AMY2B: variants seen among roughly 807,000 people sequenced by gnomAD.
The protein encoded by AMY2B is amylase alpha 2B.
AMY2B carries 63 observed loss-of-function variants against 59.3 expected under a neutral mutation model. The observed-to-expected ratio is 1.06, with a 90% CI of 0.87 to 1.31. The LOEUF is 1.31. Among genes scored for constraint, AMY2B ranks in the 50% most tolerant of loss-of-function variants. The probability of loss-of-function intolerance (pLI) is 0.00; values close to 1 mark genes in which losing one functional copy is unlikely to be tolerated. For synonymous variants in AMY2B, 180 were observed against 198.1 expected (o/e 0.91, Z 0.77); for missense variants, 635 against 626.7 (o/e 1.01, Z -0.14).
Position 103,561,375 on chromosome 1 carries a change from C to A in AMY2B, c.-206-4060C>A, listed in dbSNP as rs1258173359. Among the ~76,000 whole-genome samples, 4 of 152,118 alleles carry A rather than the reference C, an allele frequency of 2.6e-5. No homozygotes were observed. In the East Asian group the frequency reaches 5.8e-4, roughly 22 times the overall value. On this transcript the variant is annotated intron_variant, in intron 1 of 11. Transcript: ENST00000361355. ...CTCCACCTCCTGGGTTCAAGCAATTCTCCTGCCTCTGCCTCCTAAGTAGCT... is the reference window on the plus strand; with the variant it reads ...CTCCACCTCCTGGGTTCAAGCAATTATCCTGCCTCTGCCTCCTAAGTAGCT...
At chr1:103,570,277 C>T (rs915923144), upstream of AMY2B, 2 of 565,752 alleles carry the variant, frequency 3.5e-6, no homozygotes, top group East Asian at 4.6e-5. Context: ...ATATGAGCTG[C>T]CTGATGGCCA....
chr1:103,569,269 G>C (rs966299079), upstream of AMY2B: 5 of 151,918 alleles, frequency 3.3e-5, no homozygotes, highest in African/African-American at 4.9e-5. Context: ...CACACACACA[G>C]AGTCTATATA....
At chr1:103,570,383 C>T (rs1652077735), upstream of AMY2B, 3 of 857,370 alleles carry the variant, frequency 3.5e-6, no homozygotes, top group Admixed American at 5.4e-5. Flanking sequence ...CCCAGACCAT[C>T]TTCAACTCCA....
At chr1:103,570,251 C>T (rs536610055), upstream of AMY2B, 6 of 540,876 alleles carry the variant, frequency 1.1e-5, no homozygotes, top group East Asian at 9.5e-5. Context: ...ACATCCTCCT[C>T]CTCCCTGGAG....
intron 9 of AMY2B, 21 bp from the exon 10 acceptor site, chr1:103,579,290 A>T (rs1194323356): frequency 6.2e-7 from 1 of 1,611,604 alleles, no homozygotes; most frequent in East Asian, 2.2e-5. Context: ...TTGAAGTTAA[A>T]TCTGAAATTT....
chr1:103,571,917 T>C, intron 1 of AMY2B, 147 bp downstream of exon 1: 30 of 1,567,700 alleles, frequency 1.9e-5, no homozygotes, highest in Non-Finnish European at 2.6e-5. Context: ...CAATGTAGTA[T>C]TCTTGGCAAC....
intron 5 of AMY2B, 130 bp from the exon 6 acceptor site, chr1:103,575,093 A>C (rs557036947): frequency 1.6e-6 from 2 of 1,253,992 alleles, no homozygotes; most frequent in African/African-American, 3.0e-5. Context: ...TATCTTACAG[A>C]ATAACCATTT....
upstream of AMY2B, among the ~76,000 whole-genome samples, chr1:103,567,490 C>T (rs926598196): frequency 6.6e-6 from 1 of 152,068 alleles, no homozygotes; most frequent in Non-Finnish European, 1.5e-5. Context: ...TATTTTTCCT[C>T]ATCCTTCAGC....
rs761042025 is a variant in AMY2B, at chr1:103,573,230, A to C, written c.483A>C (p.Gly161=). 7 of 1,613,556 alleles carry C rather than the reference A, an allele frequency of 4.3e-6. No individual in the cohort carries two copies. In the South Asian group the frequency reaches 4.4e-5, roughly 10 times the overall value. The change falls in exon 3 of 10, where the codon GGA becomes GGC. Residue 161 remains glycine (G), a synonymous_variant. Coordinates refer to ENST00000684275, the MANE Select transcript of AMY2B (RefSeq NM_001387437.1). ...FNDGKCKTGS[G]DIENYNDATQ... is the part of the protein sequence containing the mutation. ...ATGGTAAATGTAAAACTGGAAGTGG[A>C]GATATCGAGAACTACAATGATGCTA...
chr1:103,577,157 G>T (rs1189904093), intron 7 of AMY2B, among the ~76,000 whole-genome samples: 3 of 152,150 alleles, frequency 2.0e-5, no homozygotes, highest in African/African-American at 7.2e-5. Flanking sequence ...AGGATCGCTT[G>T]AGCCTGGGAG....
At chr1:103,564,595 G>A (rs1651848127) in intron 1 of AMY2B, among the ~76,000 whole-genome samples, 1 of 151,810 alleles carries the variant, frequency 6.6e-6, no homozygotes, top group South Asian at 2.1e-4. Context: ...ATCTTTTTTG[G>A]TATTTTGTCA....
rs150608402 is a variant in AMY2B at position 103,575,512 on chromosome 1, G to A, written c.1073G>A (p.Arg358His). 2.2e-4 allele frequency: 361 copies of A among 1,613,560 alleles called. No homozygotes were observed. Among genetic ancestry groups the A allele is most frequent in the Non-Finnish European group, 2.5e-4 (297 of 1,179,780 alleles). ...TTTACACGAGTAATGTCAAGCTACC[G>A]TTGGCCAAGACAGTTTCAAAATGGA... ...YGFTRVMSSY[R>H]WPRQFQNGND... Residue 358 changes from arginine (R) to histidine (H), a missense_variant, in exon 7 of 10, where the codon CGT becomes CAT. Arg to His is a conservative substitution (Grantham distance 29). Transcript: ENST00000684275.
At chr1:103,558,556 T>C (rs928802566) in intron 1 of AMY2B, among the ~76,000 whole-genome samples, 2 of 152,096 alleles carry the variant, frequency 1.3e-5, no homozygotes, top group African/African-American at 4.8e-5. Context: ...TTAAAAGATA[T>C]TTCAGTATAA....
chr1:103,559,900 G>C (rs928069833), intron 1 of AMY2B, among the ~76,000 whole-genome samples: 3 of 152,094 alleles, frequency 2.0e-5, no homozygotes, highest in Admixed American at 1.3e-4. Context: ...ATAAAAATGT[G>C]CTTCAAGTTT....
intron 1 of AMY2B, 137 bp downstream of exon 1, chr1:103,571,907 C>A (rs1570645598): frequency 6.3e-7 from 1 of 1,580,786 alleles, no homozygotes; most frequent in East Asian, 2.2e-5. Context: ...GAGGAAAAAA[C>A]AATGTAGTAT....
In AMY2B at chr1:103,573,904, T is replaced by A. The variant is rs1652239667; in HGVS notation, c.710T>A (p.Phe237Tyr). The change falls in exon 4 of 10, where the codon TTC (phenylalanine) becomes TAC (tyrosine). Residue 237 changes from phenylalanine (F) to tyrosine (Y), a missense_variant. Coordinates refer to ENST00000684275, the MANE Select transcript of AMY2B (RefSeq NM_001387437.1). Reference protein sequence around the residue: ...DKLHNLNSNWFPAGSKPFIYQ... With the variant: ...DKLHNLNSNWYPAGSKPFIYQ... The stretch of plus-strand genomic sequence containing the variant: ...CTGCATAATCTAAACAGTAACTGGT[T>A]CCCTGCAGGAAGTAAACCTTTCATT... 2 of 1,613,802 alleles carry A rather than the reference T, an allele frequency of 1.2e-6. No homozygotes were observed. Among genetic ancestry groups the A allele is most frequent in the East Asian group, 4.5e-5 (2 of 44,870 alleles).
chr1:103,556,560 TATATA>T (rs1275046445), intron 1 of AMY2B, among the ~76,000 whole-genome samples: 1 of 151,536 alleles, frequency 6.6e-6, no homozygotes, highest in Admixed American at 6.6e-5. Context: ...AGTATAATAA[TATATA>T]ATAGTACTAA....
At chr1:103,576,590 T>G (rs1480908826) in intron 7 of AMY2B, among the ~76,000 whole-genome samples, 1 of 152,110 alleles carries the variant, frequency 6.6e-6, no homozygotes, top group Non-Finnish European at 1.5e-5. Context: ...TTTTTTTAAT[T>G]AAGATTTTTT....
chr1:103,577,992 TA>T, intron 9 of AMY2B, 147 bp downstream of exon 9: 1 of 1,498,876 alleles, frequency 6.7e-7, no homozygotes, highest in Non-Finnish European at 8.8e-7. Context: ...TGGGCAGAAG[TA>T]AAAAGATGAT....
Sources: allele counts gnomAD v4.1 joint callset (sites outside exome capture counted in the v4.1 genomes callset), GRCh38; gene constraint gnomAD v4.1.1; transcripts MANE v1.5; gene names NCBI Gene and HGNC (gene_info 2026-07-23, HGNC 2026-07-21).